TAB2: variants seen among roughly 807,000 people sequenced by gnomAD.
The protein encoded by TAB2 is TGF-beta-activated kinase 1 and MAP3K7-binding protein 2.
Under a neutral mutation model 65.0 loss-of-function variants are expected in TAB2, and 3 were observed. The observed-to-expected ratio is 0.05, with a 90% CI of 0.02 to 0.12. The LOEUF (loss-of-function observed/expected upper bound fraction) is 0.12, where lower values mean the gene tolerates loss of function less well. Ranked by LOEUF, TAB2 falls within the 10% of genes least tolerant of loss-of-function variation. TAB2 has a pLI of 1.00. For missense variants in TAB2, 623 were observed against 840.3 expected (o/e 0.74, Z 3.20); for synonymous variants, 298 against 285.1 (o/e 1.05, Z -0.46).
At chr6:149,324,478 T>C (rs918195805) in intron 1 of TAB2, among the ~76,000 whole-genome samples, 3 of 152,188 alleles carry the variant, frequency 2.0e-5, no homozygotes, top group African/African-American at 7.2e-5. Flanking sequence ...TGACCTTTAA[T>C]ATCTTAATGT....
intron 1 of TAB2, among the ~76,000 whole-genome samples, chr6:149,284,153 A>T (rs1778627294): frequency 6.6e-6 from 1 of 152,306 alleles, no homozygotes; most frequent in South Asian, 2.1e-4. Context: ...TAAAAGTATC[A>T]TACCTCTCCA....
intron 1 of TAB2, among the ~76,000 whole-genome samples, chr6:149,353,461 A>G (rs757287331): frequency 3.3e-5 from 5 of 152,180 alleles, no homozygotes; most frequent in Non-Finnish European, 7.3e-5. Flanking sequence ...TTCTTCCCCA[A>G]GTGATTTAGA....
At chr6:149,306,987 G>A (rs921716642) in intron 1 of TAB2, among the ~76,000 whole-genome samples, 1 of 152,030 alleles carries the variant, frequency 6.6e-6, no homozygotes, top group African/African-American at 2.4e-5. Context: ...TCTTTTTGTC[G>A]ATTTTGTTTT....
At chr6:149,354,661 T>C (rs1325700310) in intron 1 of TAB2, among the ~76,000 whole-genome samples, 1 of 152,216 alleles carries the variant, frequency 6.6e-6, no homozygotes, top group African/African-American at 2.4e-5. Context: ...CCAAAGATAT[T>C]CTGTGCACGT....
chr6:149,389,537 G>A (rs1315998734), intron 3 of TAB2, among the ~76,000 whole-genome samples: 1 of 151,420 alleles, frequency 6.6e-6, no homozygotes, highest in African/African-American at 2.4e-5. Flanking sequence ...TCCAGCTACT[G>A]GGGAGGCTGA....
chr6:149,339,127 A>T (rs1169343540), intron 1 of TAB2, among the ~76,000 whole-genome samples: 1 of 152,166 alleles, frequency 6.6e-6, no homozygotes, highest in African/African-American at 2.4e-5. Context: ...GCCCTTTGGG[A>T]GGCCGAGACG....
intron 1 of TAB2, among the ~76,000 whole-genome samples, chr6:149,323,673 T>C (rs1779519522): frequency 6.6e-6 from 1 of 152,200 alleles, no homozygotes; most frequent in African/African-American, 2.4e-5. Flanking sequence ...ATCCTCTACC[T>C]AAAGAATAAT....
At chr6:149,221,145 C>T (rs963031260) in intron 1 of TAB2, 3 of 152,198 alleles carry the variant, frequency 2.0e-5, no homozygotes, top group African/African-American at 7.2e-5. Flanking sequence ...CACAACTCAA[C>T]AACCACACAG....
At chr6:149,400,307 C>A in intron 6 of TAB2, 1 of 1,464,188 alleles carries the variant, frequency 6.8e-7, no homozygotes, top group Admixed American at 1.9e-5. Context: ...CCTCCTGCTG[C>A]TCTTCCTGCT....
rs139559235 is a variant in TAB2, at chr6:149,299,951, C to T, written c.-120-78067C>T. 1.1e-3 allele frequency among the ~76,000 whole-genome samples: 166 copies of T among 152,070 alleles called. 1 individual carries two copies. The highest frequency in any genetic ancestry group is 3.3e-3 in the African/African-American group (135 of 41,472). The stretch of plus-strand genomic sequence containing the variant: ...TGAGCCCAGGAATTTGAGGTTACAA[C>T]GAGCTATGATTGTGCCACTGCACTC... On this transcript the variant is annotated intron_variant, in intron 1 of 1. Transcript: ENST00000606202.
At chr6:149,284,683 CA>C (rs1387854497) in intron 1 of TAB2, among the ~76,000 whole-genome samples, 1 of 126,052 alleles carries the variant, frequency 7.9e-6, no homozygotes, top group East Asian at 2.7e-4. Flanking sequence ...CACACACACA[CA>C]CACACACACA....
At chr6:149,353,830 G>T (rs1295820920) in intron 1 of TAB2, among the ~76,000 whole-genome samples, 1 of 152,088 alleles carries the variant, frequency 6.6e-6, no homozygotes, top group African/African-American at 2.4e-5. Flanking sequence ...TTCTTCAGGT[G>T]TATATTTTAT....
chr6:149,299,482 G>A (rs1316764091), intron 1 of TAB2, among the ~76,000 whole-genome samples: 1 of 152,210 alleles, frequency 6.6e-6, no homozygotes, highest in Non-Finnish European at 1.5e-5. Flanking sequence ...TGAGGCAAGA[G>A]AATCACTTGA....
intron 1 of TAB2, among the ~76,000 whole-genome samples, chr6:149,298,524 A>T (rs1329728970): frequency 6.6e-6 from 1 of 152,044 alleles, no homozygotes; most frequent in Non-Finnish European, 1.5e-5. Flanking sequence ...GCTACCCCGG[A>T]GGCTGAGGTG....
At chr6:149,241,069 A>G (rs149164508) in intron 1 of TAB2, among the ~76,000 whole-genome samples, 1,893 of 152,314 alleles carry the variant, frequency 0.012, 19 homozygotes, top group Non-Finnish European at 0.017. Flanking sequence ...AGAGGTCAAA[A>G]AAGAGGTTGT....
At position 149,410,124 on chromosome 6, in the gene TAB2, A is replaced by T; in HGVS notation, c.*405A>T. On this transcript the variant is annotated 3_prime_UTR_variant, in exon 7 of 7. Coordinates refer to ENST00000637181, the MANE Select transcript of TAB2 (RefSeq NM_001292034.3). ...TGTAAAGCTTTCAGTGAAACACTAC[A>T]TACACGAAGAAAAGGAACAAGGTTT... 4.2e-6 allele frequency: 1 copy of T among 236,658 alleles called. No individual in the cohort carries two copies. The highest frequency in any genetic ancestry group is 8.4e-6 in the Non-Finnish European group (1 of 119,396). The allele number at this position is 236,658 out of a possible 1,614,324, so 14.7% of individuals were successfully genotyped here. A position where few individuals can be genotyped will look rare whatever the true frequency, so the allele number is the denominator to read the frequency against.
At chr6:149,338,555 GAGTTTA>G (rs1260033560) in intron 1 of TAB2, among the ~76,000 whole-genome samples, 1 of 152,218 alleles carries the variant, frequency 6.6e-6, no homozygotes, top group Non-Finnish European at 1.5e-5. Flanking sequence ...AGTATTGGAA[GAGTTTA>G]AGTTTAAACA....
intron 1 of TAB2, among the ~76,000 whole-genome samples, chr6:149,330,235 T>G (rs868733263): frequency 6.6e-6 from 1 of 152,308 alleles, no homozygotes; most frequent in South Asian, 2.1e-4. Flanking sequence ...CAACTTTGGG[T>G]TGTAAAAATA....
In TAB2 at chr6:149,287,492, T is replaced by TA. The variant is rs765114694; in HGVS notation, c.-121+68716_-121+68717insA. ...CAAACTTTGTTTTCTGTTTTTTTTT[T>TA]TAAAAAGAAAGTATTAGAAAATTGT... is the stretch of plus-strand genomic sequence containing the variant. On this transcript the variant is annotated intron_variant, in intron 1 of 1. Transcript: ENST00000606202. Among the ~76,000 whole-genome samples, 49 of 98,010 alleles carry TA rather than the reference T, an allele frequency of 5.0e-4. 1 individual carries two copies. The highest frequency in any genetic ancestry group is 1.7e-3 in the African/African-American group (45 of 26,744). 64.3% of individuals were successfully genotyped at this position (98,010 alleles called of 152,430 possible). A position where few individuals can be genotyped will look rare whatever the true frequency, so the allele number is the denominator to read the frequency against.
Sources: allele counts gnomAD v4.1 joint callset (sites outside exome capture counted in the v4.1 genomes callset), GRCh38; gene constraint gnomAD v4.1.1; transcripts MANE v1.5; gene names NCBI Gene and HGNC (gene_info 2026-07-23, HGNC 2026-07-21).